The following TMEM18 variants were observed in gnomAD, a reference collection of about 807,000 sequenced individuals.
TMEM18 encodes transmembrane protein 18.
Under a neutral mutation model 17.4 loss-of-function variants are expected in TMEM18, and 14 were observed. That is an observed-to-expected ratio of 0.80 (90% confidence interval 0.53 to 1.25). The LOEUF (loss-of-function observed/expected upper bound fraction) is 1.25. TMEM18 is among the 50% of genes most tolerant of loss of function. The pLI is 0.00. For missense variants in TMEM18, 187 were observed against 172.1 expected (o/e 1.09, Z -0.48); for synonymous variants, 86 against 66.1 (o/e 1.30, Z -1.46).
chr2:673,729 G>T (rs988985816), intron 2 of TMEM18, among the ~76,000 whole-genome samples: 1 of 150,348 alleles, frequency 6.7e-6, no homozygotes, highest in African/African-American at 2.5e-5. Context: ...CAGAGGGGAG[G>T]GGAGGGAGGA....
intron 1 of TMEM18, chr2:676,811 G>T: frequency 1.5e-6 from 1 of 667,800 alleles, no homozygotes; most frequent in Non-Finnish European, 2.5e-6. Flanking sequence ...CATGGCCCAA[G>T]CCCCGCCCGC....
At chr2:677,105 C>G (rs1007025137) in intron 1 of TMEM18, 184 bp downstream of exon 1, 2 of 680,876 alleles carry the variant, frequency 2.9e-6, no homozygotes, top group Non-Finnish European at 4.7e-6. Context: ...ACAGCGCGCG[C>G]CCCCGACGCC....
chr2:676,648 TTGGCGGCCACG>T (rs1385125561), intron 1 of TMEM18: 15 of 1,549,318 alleles, frequency 9.7e-6, no homozygotes, highest in African/African-American at 1.4e-5. Flanking sequence ...ATGTCACCCC[TTGGCGGCCACG>T]TGGGGCGTGG....
rs760538142 is a variant in TMEM18 at position 666,368 on chromosome 2, C to A, written c.*3212G>T. On this transcript the variant is annotated 3_prime_UTR_variant, in exon 5 of 5. Coordinates refer to ENST00000281017, the MANE Select transcript of TMEM18 (RefSeq NM_152834.4). ...CGCCTCCCCTGGCATAGGTCTTGTG[C>A]AATTTCTAATGACAGCATGATTCGG... Among the ~76,000 whole-genome samples the A allele has an allele frequency of 1.8e-4, 27 of 152,176 alleles. No individual in the cohort carries two copies. Among genetic ancestry groups the A allele is most frequent in the Non-Finnish European group, 3.8e-4 (26 of 68,030 alleles).
In TMEM18 at chr2:669,826, G is replaced by A. The variant is rs142477369; in HGVS notation, c.258C>T (p.Phe86=). The A allele has an allele frequency of 8.1e-6, 13 of 1,612,772 alleles. No individual in the cohort carries two copies. Among genetic ancestry groups the A allele is most frequent in the Middle Eastern group, 1.6e-4 (1 of 6,080 alleles). ...NWRLFSKYQY[F]DSRGMFISIV... is the part of the protein sequence containing the mutation. ...TAGAAATGAACATCCCCCTGGAGTC[G>A]AAATACTGGTATTTCGAAAATAATC... The change falls in exon 4 of 5, where the codon TTC becomes TTT. Residue 86 remains phenylalanine, a synonymous_variant. Coordinates refer to ENST00000281017, the MANE Select transcript of TMEM18 (RefSeq NM_152834.4).
rs577406804 is a variant in TMEM18, at chr2:675,885, C to T, written c.58-255G>A. The T allele has an allele frequency of 3.4e-5, 51 of 1,480,162 alleles. No individual in the cohort carries two copies. The African/African-American group carries it at 6.8e-4, about 20-fold the overall frequency. The allele number at this position is 1,480,162 out of a possible 1,614,324, so 91.7% of individuals were successfully genotyped here. On this transcript the variant is annotated intron_variant, in intron 1 of 4. Transcript: ENST00000281017. ...TAATTCATGGAATTCAAAGTTCAAG[C>T]ACACAGAACTGAAGGCATCTCTGAT...
In TMEM18 at chr2:666,932, G is replaced by A. The variant is rs534241278; in HGVS notation, c.*2648C>T. Reference sequence around the variant, plus strand: ...GCTTGGGCCTGACCGGTATATCTCTGACGGCAATTCTCGTCTGTCTTTAAG... The same window carrying A: ...GCTTGGGCCTGACCGGTATATCTCTAACGGCAATTCTCGTCTGTCTTTAAG... On this transcript the variant is annotated 3_prime_UTR_variant, in exon 5 of 5. Transcript: ENST00000281017. Among the ~76,000 whole-genome samples, 1 of 151,926 alleles carries A rather than the reference G, an allele frequency of 6.6e-6. No individual in the cohort carries two copies. Among genetic ancestry groups the A allele is most frequent in the Non-Finnish European group, 1.5e-5 (1 of 67,984 alleles).
chr2:668,421 TCC>T lies in TMEM18; in HGVS notation c.*1157_*1158del, dbSNP rs1321032802. ...ACACATTACCTTAATCATCTTTCTG[TCC>T]CACTTCTCAGCCACAAAGGCCCGAG... On this transcript the variant is annotated 3_prime_UTR_variant, in exon 5 of 5. Coordinates refer to ENST00000281017, the MANE Select transcript of TMEM18 (RefSeq NM_152834.4). The T allele has an allele frequency of 6.6e-6, 1 of 152,254 alleles. No individual in the cohort carries two copies. The highest frequency in any genetic ancestry group is 6.5e-5 in the Admixed American group (1 of 15,282). 9.4% of individuals were successfully genotyped at this position (152,254 alleles called of 1,614,324 possible).
rs887100118 is a variant in TMEM18 at position 667,184 on chromosome 2, G to C, written c.*2396C>G. Among the ~76,000 whole-genome samples, 1 of 151,922 alleles carries C rather than the reference G, an allele frequency of 6.6e-6. No individual in the cohort carries two copies. The highest frequency in any genetic ancestry group is 2.4e-5 in the African/African-American group (1 of 41,334). ...TTCTTCTACTGGCAAGGACACAATT[G>C]CATTTGTTTGTTAAAACTCAGCACC... On this transcript the variant is annotated 3_prime_UTR_variant, in exon 5 of 5. Coordinates refer to ENST00000281017, the MANE Select transcript of TMEM18 (RefSeq NM_152834.4).
At position 669,334 on chromosome 2, in the gene TMEM18, C is replaced by T. The variant is rs1678775277; in HGVS notation, c.*246G>A. 1 of 539,680 alleles carries T rather than the reference C, an allele frequency of 1.9e-6. No homozygotes were observed. Among genetic ancestry groups the T allele is most frequent in the Non-Finnish European group, 3.3e-6 (1 of 304,336 alleles). 33.4% of individuals were successfully genotyped at this position (539,680 alleles called of 1,614,324 possible). ...TCAAATTCCCAGTTATGAAGCTCTG[C>T]AGAGACCGTTCCCACAGCCTGACTA... On this transcript the variant is annotated 3_prime_UTR_variant, in exon 5 of 5. Transcript: ENST00000281017.
chr2:671,941 T>C (rs997281243), intron 3 of TMEM18, among the ~76,000 whole-genome samples: 7 of 151,910 alleles, frequency 4.6e-5, no homozygotes, highest in Non-Finnish European at 1.0e-4. Flanking sequence ...GCAGAGACAG[T>C]GCTGCAGGGA....
chr2:675,980 T>C, intron 1 of TMEM18: 3 of 1,315,952 alleles, frequency 2.3e-6, no homozygotes, highest in Non-Finnish European at 3.0e-6. Context: ...TACCATCCTT[T>C]ACGATGATAA....
Position 669,393 on chromosome 2 carries a change from T to A in TMEM18, c.*187A>T. The A allele has an allele frequency of 1.5e-6, 1 of 647,858 alleles. No homozygotes were observed. The highest frequency in any genetic ancestry group is 2.7e-6 in the Non-Finnish European group (1 of 363,692). The allele number at this position is 647,858 out of a possible 1,614,324, so 40.1% of individuals were successfully genotyped here. ...AGGCACCTGAAGACGCATGTCCTGATGGATACATTCAGTGCTGGCTGAAAA... is the reference window on the plus strand; with the variant it reads ...AGGCACCTGAAGACGCATGTCCTGAAGGATACATTCAGTGCTGGCTGAAAA... On this transcript the variant is annotated 3_prime_UTR_variant, in exon 5 of 5. Coordinates refer to ENST00000281017, the MANE Select transcript of TMEM18 (RefSeq NM_152834.4).
At position 668,145 on chromosome 2, in the gene TMEM18, A is replaced by C. The variant is rs1466529500; in HGVS notation, c.*1435T>G. ...TTTAAAACCAGCAGATCTTGTGAGAACTCCCTCTCTATTATGATAACAACA... is the reference window on the plus strand; with the variant it reads ...TTTAAAACCAGCAGATCTTGTGAGACCTCCCTCTCTATTATGATAACAACA... On this transcript the variant is annotated 3_prime_UTR_variant, in exon 5 of 5. Coordinates refer to ENST00000281017, the MANE Select transcript of TMEM18 (RefSeq NM_152834.4). The C allele has an allele frequency of 6.6e-6, 1 of 151,666 alleles. No individual in the cohort carries two copies. Among genetic ancestry groups the C allele is most frequent in the East Asian group, 1.9e-4 (1 of 5,164 alleles). The allele number at this position is 151,666 out of a possible 1,614,324, so 9.4% of individuals were successfully genotyped here.
At position 666,577 on chromosome 2, in the gene TMEM18, C is replaced by T. The variant is rs918492565; in HGVS notation, c.*3003G>A. On this transcript the variant is annotated 3_prime_UTR_variant, in exon 5 of 5. Coordinates refer to ENST00000281017, the MANE Select transcript of TMEM18 (RefSeq NM_152834.4). ...ACCAACGCATGGCACCCACAGCCTG[C>T]GTGGGCCTCGCCGCCCCATCCTGCC... Among the ~76,000 whole-genome samples the T allele has an allele frequency of 2.0e-5, 3 of 152,168 alleles. No individual in the cohort carries two copies. Among genetic ancestry groups the T allele is most frequent in the African/African-American group, 4.8e-5 (2 of 41,444 alleles).
chr2:676,930 C>A (rs960974912), intron 1 of TMEM18: 2 of 473,504 alleles, frequency 4.2e-6, no homozygotes, highest in Non-Finnish European at 7.4e-6. Flanking sequence ...GCCAGCCCAG[C>A]CCAAGCCCGG....
intron 2 of TMEM18, among the ~76,000 whole-genome samples, chr2:673,388 T>TG (rs552610494): frequency 6.6e-6 from 1 of 151,378 alleles, no homozygotes; most frequent in Admixed American, 6.6e-5. Flanking sequence ...CAGCAGCTGG[T>TG]GGGGGCAGGG....
intron 1 of TMEM18, chr2:676,548 G>T: frequency 6.5e-7 from 1 of 1,549,488 alleles, no homozygotes; most frequent in Non-Finnish European, 8.7e-7. Flanking sequence ...GGACACAAGC[G>T]CATCTACTCC....
At position 665,229 on chromosome 2, in the gene TMEM18, G is replaced by A. The variant is rs528518216; in HGVS notation, c.*4351C>T. On this transcript the variant is annotated 3_prime_UTR_variant, in exon 5 of 5. Transcript: ENST00000281017. The stretch of plus-strand genomic sequence containing the variant: ...GAGATGCAGATGCCCCACTCACTCC[G>A]ATAGAGAATCAACCCCATATACAAC... 8.4e-4 allele frequency among the ~76,000 whole-genome samples: 127 copies of A among 150,780 alleles called. No individual in the cohort carries two copies. Among genetic ancestry groups the A allele is most frequent in the African/African-American group, 3.0e-3 (123 of 41,034 alleles).
Sources: allele counts gnomAD v4.1 joint callset (sites outside exome capture counted in the v4.1 genomes callset), GRCh38; gene constraint gnomAD v4.1.1; transcripts MANE v1.5; gene names NCBI Gene and HGNC (gene_info 2026-07-23, HGNC 2026-07-21).